PTPRJ: variants seen among roughly 807,000 people sequenced by gnomAD.
PTPRJ encodes the protein receptor-type tyrosine-protein phosphatase eta.
In PTPRJ, 129 loss-of-function variants were observed where a neutral mutation model predicts 141.3. The observed-to-expected ratio is 0.91, with a 90% confidence interval of 0.79 to 1.06. The LOEUF is 1.06. Among genes scored for constraint, PTPRJ ranks in the 50% least tolerant of loss-of-function variants. The pLI, the probability that PTPRJ is intolerant of heterozygous loss-of-function variation, is 0.00. For missense variants in PTPRJ, 1,601 were observed against 1,679.7 expected (o/e 0.95, Z 0.82); for synonymous variants, 610 against 640.5 (o/e 0.95, Z 0.72).
intron 1 of PTPRJ, among the ~76,000 whole-genome samples, chr11:48,048,912 G>A (rs536133277): frequency 3.5e-4 from 54 of 152,154 alleles, no homozygotes; most frequent in Non-Finnish European, 1.8e-4. Flanking sequence ...TACAGCTGAC[G>A]CCTATCTAAG....
At chr11:48,142,267 A>T (rs1857249329) in intron 11 of PTPRJ, among the ~76,000 whole-genome samples, 2 of 152,188 alleles carry the variant, frequency 1.3e-5, no homozygotes, top group Admixed American at 1.3e-4. Context: ...ATATATCTTG[A>T]AATCAGGAAG....
At chr11:48,067,651 G>A (rs1198188404) in intron 1 of PTPRJ, among the ~76,000 whole-genome samples, 2 of 152,216 alleles carry the variant, frequency 1.3e-5, no homozygotes, top group Admixed American at 6.5e-5. Context: ...AAAGAAACCC[G>A]AACAAGCAAG....
intron 1 of PTPRJ, among the ~76,000 whole-genome samples, chr11:48,054,107 A>G (rs897018793): frequency 1.3e-5 from 2 of 148,346 alleles, no homozygotes; most frequent in Non-Finnish European, 3.0e-5. Flanking sequence ...TAATTTTTGT[A>G]TATTTAGTTG....
intron 15 of PTPRJ, among the ~76,000 whole-genome samples, chr11:48,149,224 A>G (rs1857420470): frequency 6.6e-6 from 1 of 152,212 alleles, no homozygotes; most frequent in East Asian, 1.9e-4. Context: ...ATTCTTTTAG[A>G]TAGTACAAAA....
intron 1 of PTPRJ, among the ~76,000 whole-genome samples, chr11:47,983,581 T>C (rs1450190933): frequency 6.6e-6 from 1 of 152,240 alleles, no homozygotes; most frequent in Non-Finnish European, 1.5e-5. Flanking sequence ...ATTCCCCTTT[T>C]CTAAGACAGG....
rs984770834 is a variant in PTPRJ, at chr11:48,098,102, C to T, written c.97-11956C>T. 1.6e-4 allele frequency among the ~76,000 whole-genome samples: 24 copies of T among 152,188 alleles called. 1 individual carries two copies. The highest frequency in any genetic ancestry group is 6.5e-5 in the Admixed American group (1 of 15,270). ...ATCTTGTCCCCTTTATGACTGATCA[C>T]ACAGTTCCACTGCTTGCCCTTGAGG... On this transcript the variant is annotated intron_variant, in intron 1 of 24. Transcript: ENST00000418331.
At chr11:48,014,131 T>G (rs1489849415) in intron 1 of PTPRJ, among the ~76,000 whole-genome samples, 2 of 152,168 alleles carry the variant, frequency 1.3e-5, no homozygotes, top group African/African-American at 4.8e-5. Flanking sequence ...TTTGCTGTTT[T>G]GGGACTATCT....
intron 1 of PTPRJ, among the ~76,000 whole-genome samples, chr11:48,065,415 T>C (rs1855059700): frequency 6.6e-6 from 1 of 152,156 alleles, no homozygotes; most frequent in South Asian, 2.1e-4. Context: ...AAATCTGCCT[T>C]CTTCTTGTCT....
chr11:48,049,220 C>G (rs547272030), intron 1 of PTPRJ, among the ~76,000 whole-genome samples: 17 of 152,188 alleles, frequency 1.1e-4, no homozygotes, highest in Admixed American at 2.6e-4. Context: ...GTAGCACCCC[C>G]CTCCCAACTC....
intron 1 of PTPRJ, among the ~76,000 whole-genome samples, chr11:48,080,653 G>C (rs1855533433): frequency 6.6e-6 from 1 of 152,188 alleles, no homozygotes; most frequent in Admixed American, 6.5e-5. Context: ...TCTTGGCTTT[G>C]GCCGAGCCAA....
rs754165499 is a variant in PTPRJ at position 48,121,179 on chromosome 11, C to T, written c.529C>T (p.Arg177Cys). The change falls in exon 4 of 25, where the codon CGT (arginine) becomes TGT (cysteine). Residue 177 changes from arginine (R) to cysteine (C), a missense_variant. Coordinates refer to ENST00000418331, the MANE Select transcript of PTPRJ (RefSeq NM_002843.4). Reference sequence around the variant, plus strand: ...ACCATGGTGTAACATCACAGGCTTACGTCCAGCGACTTCATATGTATTCTC... The same window carrying T: ...ACCATGGTGTAACATCACAGGCTTATGTCCAGCGACTTCATATGTATTCTC... Reference protein sequence around the residue: ...HQPWCNITGLRPATSYVFSIT... With the variant: ...HQPWCNITGLCPATSYVFSIT... 93 of 1,613,928 alleles carry T rather than the reference C, an allele frequency of 5.8e-5. No individual in the cohort carries two copies. The highest frequency in any genetic ancestry group is 1.2e-4 in the South Asian group (11 of 91,090).
At chr11:48,041,286 G>C (rs145293468) in intron 1 of PTPRJ, among the ~76,000 whole-genome samples, 3 of 152,318 alleles carry the variant, frequency 2.0e-5, no homozygotes, top group African/African-American at 7.2e-5. Flanking sequence ...AATGCAGGGA[G>C]ATGGAAGGCT....
chr11:48,030,613 T>C (rs1853953801), intron 1 of PTPRJ, among the ~76,000 whole-genome samples: 1 of 152,118 alleles, frequency 6.6e-6, no homozygotes, highest in African/African-American at 2.4e-5. Context: ...CATGGTGGTG[T>C]GTGCCTGTAA....
intron 1 of PTPRJ, among the ~76,000 whole-genome samples, chr11:48,036,094 T>C (rs534304569): frequency 6.6e-6 from 1 of 152,256 alleles, no homozygotes; most frequent in Non-Finnish European, 1.5e-5. Flanking sequence ...AGGGGAATGC[T>C]GGACTCTCTA....
intron 21 of PTPRJ, among the ~76,000 whole-genome samples, chr11:48,157,855 A>G (rs955554216): frequency 3.3e-5 from 5 of 152,172 alleles, no homozygotes; most frequent in Non-Finnish European, 7.4e-5. Flanking sequence ...AAGCGTTTTT[A>G]AAATGAATGC....
chr11:48,022,957 C>T (rs910301028), intron 1 of PTPRJ, among the ~76,000 whole-genome samples: 3 of 151,996 alleles, frequency 2.0e-5, no homozygotes, highest in East Asian at 1.9e-4. Context: ...TTTGAAGGCT[C>T]AAGTCACACG....
At chr11:48,142,881 A>T in intron 11 of PTPRJ, 38 bp from the exon 12 acceptor site, 1 of 1,587,566 alleles carries the variant, frequency 6.3e-7, no homozygotes, top group Non-Finnish European at 8.6e-7. Flanking sequence ...TTTGGTTTTC[A>T]ATATTGGGTG....
chr11:48,062,423 G>C (rs1057411647), intron 1 of PTPRJ, among the ~76,000 whole-genome samples: 8 of 151,992 alleles, frequency 5.3e-5, no homozygotes, highest in African/African-American at 1.7e-4. Flanking sequence ...TGAGGCAGGA[G>C]AATGGCGTGA....
chr11:48,097,254 G>A (rs926505500), intron 1 of PTPRJ, among the ~76,000 whole-genome samples: 1 of 152,150 alleles, frequency 6.6e-6, no homozygotes, highest in African/African-American at 2.4e-5. Context: ...GAGGGAGTGA[G>A]GAAGCTCTCA....
Sources: gnomAD v4.1 joint callset for allele counts (sites outside exome capture counted in the v4.1 genomes callset) on GRCh38, gnomAD v4.1.1 for gene constraint, MANE v1.5 for transcripts, NCBI Gene and HGNC (gene_info 2026-07-23, HGNC 2026-07-21) for gene names.